Variants in CARMIL1 observed in about 807,000 individuals in gnomAD.
CARMIL1 encodes the protein capping protein regulator and myosin 1 linker 1, also known as F-actin-uncapping protein LRRC16A.
A neutral mutation model predicts 177.1 loss-of-function variants in CARMIL1; 90 were observed. That is an observed-to-expected ratio of 0.51 (90% confidence interval 0.43 to 0.61). The LOEUF (loss-of-function observed/expected upper bound fraction) is 0.61. Ranked by LOEUF, CARMIL1 falls within the 20% of genes least tolerant of loss-of-function variation. The pLI is 0.00. For synonymous variants in CARMIL1, 577 were observed against 606.2 expected, an observed-to-expected ratio of 0.95 and a Z score of 0.71; for missense variants, 1,380 against 1,667.0, an observed-to-expected ratio of 0.83 and a Z score of 3.00.
Position 25,279,718 on chromosome 6 carries a change from A to T in CARMIL1, c.-78A>T, listed in dbSNP as rs1780918218. ...AAGCTGCATCTGCCTCTCTAAAAAAATTGAGGAGTTCGGGGAAGGGCAGGG... is the reference window on the plus strand; with the variant it reads ...AAGCTGCATCTGCCTCTCTAAAAAATTTGAGGAGTTCGGGGAAGGGCAGGG... On this transcript the variant is annotated 5_prime_UTR_variant, in exon 1 of 37. Transcript: ENST00000329474. The T allele has an allele frequency of 7.1e-7, 1 of 1,407,112 alleles. No homozygotes were observed. Among genetic ancestry groups the T allele is most frequent in the African/African-American group, 1.4e-5 (1 of 70,686 alleles). 87.2% of individuals were successfully genotyped at this position (1,407,112 alleles called of 1,614,324 possible).
At chr6:25,539,436 C>G (rs899294498) in intron 25 of CARMIL1, among the ~76,000 whole-genome samples, 1 of 151,802 alleles carries the variant, frequency 6.6e-6, no homozygotes, top group Non-Finnish European at 1.5e-5. Flanking sequence ...AAAAGCAGCT[C>G]AACTTTCATA....
intron 29 of CARMIL1, among the ~76,000 whole-genome samples, chr6:25,573,436 A>G (rs1812289697): frequency 6.6e-6 from 1 of 152,170 alleles, no homozygotes; most frequent in Middle Eastern, 3.4e-3. Context: ...TTAAAAGTAA[A>G]TATACTTGAC....
At chr6:25,524,371 T>C (rs550925566) in intron 23 of CARMIL1, among the ~76,000 whole-genome samples, 1 of 152,290 alleles carries the variant, frequency 6.6e-6, no homozygotes, top group African/African-American at 2.4e-5. Flanking sequence ...AGACACAGAT[T>C]GTAATTAAGA....
At chr6:25,517,728 T>G (rs1478412420) in intron 22 of CARMIL1, among the ~76,000 whole-genome samples, 1 of 151,754 alleles carries the variant, frequency 6.6e-6, no homozygotes, top group African/African-American at 2.4e-5. Context: ...TTTGTGGAAA[T>G]TGTGTAGATT....
At chr6:25,390,306 ATATATATATATATATT>A (rs1028398876) in intron 2 of CARMIL1, among the ~76,000 whole-genome samples, 3 of 45,112 alleles carry the variant, frequency 6.7e-5, no homozygotes, top group African/African-American at 1.9e-4. Flanking sequence ...ATATATATAT[ATATATATATATATATT>A]TTTTTTTTTT....
chr6:25,314,053 A>T (rs1784064704), intron 2 of CARMIL1, among the ~76,000 whole-genome samples: 1 of 151,032 alleles, frequency 6.6e-6, no homozygotes, highest in South Asian at 2.1e-4. Flanking sequence ...TAAATGTGCT[A>T]TGTTAAAGGA....
chr6:25,336,385 G>A (rs1216739424), intron 2 of CARMIL1, among the ~76,000 whole-genome samples: 1 of 152,170 alleles, frequency 6.6e-6, no homozygotes, highest in African/African-American at 2.4e-5. Context: ...TCCAGTGACA[G>A]ACTGTACTCT....
chr6:25,318,507 T>C (rs188784417), intron 2 of CARMIL1, among the ~76,000 whole-genome samples: 20 of 152,330 alleles, frequency 1.3e-4, no homozygotes, highest in African/African-American at 4.8e-4. Context: ...GAGCTCTTTG[T>C]CATCTGTCCT....
chr6:25,391,652 TA>T (rs1489300017), intron 2 of CARMIL1, among the ~76,000 whole-genome samples: 1 of 152,210 alleles, frequency 6.6e-6, no homozygotes, highest in African/African-American at 2.4e-5. Flanking sequence ...GAGATATAAT[TA>T]AAACAATATT....
intron 8 of CARMIL1, among the ~76,000 whole-genome samples, chr6:25,455,708 A>G (rs547879634): frequency 2.3e-4 from 35 of 152,262 alleles, no homozygotes; most frequent in African/African-American, 8.4e-4. Flanking sequence ...TAGTTTACTC[A>G]TCCAGGTCAT....
chr6:25,354,052 A>G (rs1358398422), intron 2 of CARMIL1, among the ~76,000 whole-genome samples: 3 of 152,328 alleles, frequency 2.0e-5, no homozygotes, highest in Middle Eastern at 3.4e-3. Flanking sequence ...ACAGATAAGA[A>G]TATTGTCTGG....
chr6:25,366,111 G>A (rs1789766273), intron 2 of CARMIL1, among the ~76,000 whole-genome samples: 4 of 151,824 alleles, frequency 2.6e-5, no homozygotes, highest in East Asian at 3.9e-4. Flanking sequence ...TCCCATTTCA[G>A]CCTCCCAAAT....
chr6:25,377,151 C>T (rs947126001), intron 2 of CARMIL1, among the ~76,000 whole-genome samples: 1 of 152,194 alleles, frequency 6.6e-6, no homozygotes, highest in African/African-American at 2.4e-5. Flanking sequence ...CAGGTGCATC[C>T]ATGCTGAGCT....
chr6:25,465,972 A>T (rs1344465492), intron 9 of CARMIL1, 24 bp downstream of exon 9: 2 of 1,555,458 alleles, frequency 1.3e-6, no homozygotes, highest in Non-Finnish European at 1.8e-6. Context: ...CATGCAGCAA[A>T]TGTTGCTTGG....
At chr6:25,467,950 G>GC (rs1800762288) in intron 9 of CARMIL1, among the ~76,000 whole-genome samples, 1 of 152,150 alleles carries the variant, frequency 6.6e-6, no homozygotes, top group Non-Finnish European at 1.5e-5. Flanking sequence ...CAGTCTCAGA[G>GC]CACTGTCTAA....
At chr6:25,365,257 A>G (rs966905181) in intron 2 of CARMIL1, among the ~76,000 whole-genome samples, 4 of 152,176 alleles carry the variant, frequency 2.6e-5, no homozygotes, top group African/African-American at 9.7e-5. Context: ...GTTGTAGTAT[A>G]GAGAATAAAG....
At chr6:25,496,663 A>G (rs1803756417) in intron 16 of CARMIL1, among the ~76,000 whole-genome samples, 1 of 152,218 alleles carries the variant, frequency 6.6e-6, no homozygotes, top group South Asian at 2.1e-4. Flanking sequence ...ATTGTATTCT[A>G]AAGTTCCATT....
At chr6:25,445,731 G>C (rs1435437451) in intron 5 of CARMIL1, among the ~76,000 whole-genome samples, 1 of 151,736 alleles carries the variant, frequency 6.6e-6, no homozygotes, top group African/African-American at 2.4e-5. Context: ...GTAGAGATGG[G>C]GTTTCACCAT....
chr6:25,396,551 G>A (rs1217526306), intron 2 of CARMIL1, among the ~76,000 whole-genome samples: 1 of 151,700 alleles, frequency 6.6e-6, no homozygotes, highest in African/African-American at 2.4e-5. Flanking sequence ...TAGTAGAGAC[G>A]GGGTTTCACC....
Sources: gnomAD v4.1 joint callset for allele counts (sites outside exome capture counted in the v4.1 genomes callset) on GRCh38, gnomAD v4.1.1 for gene constraint, MANE v1.5 for transcripts, NCBI Gene and HGNC (gene_info 2026-07-23, HGNC 2026-07-21) for gene names.